Variants in VSTM2B observed in about 807,000 individuals in gnomAD.
The protein encoded by VSTM2B is V-set and transmembrane domain-containing protein 2B.
In VSTM2B, 24 loss-of-function variants were observed where a neutral mutation model predicts 24.0. The observed-to-expected ratio is 1.00, with a 90% CI of 0.72 to 1.40. VSTM2B has a LOEUF of 1.40. Among genes scored for constraint, VSTM2B ranks in the 40% most tolerant of loss-of-function variants. The probability of loss-of-function intolerance (pLI) is 0.00; values close to 1 mark genes in which losing one functional copy is unlikely to be tolerated. For missense variants in VSTM2B, 399 were observed against 416.4 expected (o/e 0.96, Z 0.36); for synonymous variants, 226 against 194.4 (o/e 1.16, Z -1.35).
chr19:29,527,374 C>T lies in VSTM2B; in HGVS notation c.246C>T (p.Ser82=). 6.5e-7 allele frequency: 1 copy of T among 1,540,690 alleles called. No homozygotes were observed. The highest frequency in any genetic ancestry group is 1.4e-5 in the African/African-American group (1 of 72,194). The change falls in exon 2 of 5, where the codon AGC becomes AGT. Residue 82 remains serine, a synonymous_variant. Transcript: ENST00000335523. ...AGCTGCTGCACGAGCTGGCGCTCAG[C>T]GTGCCGGGCGCCCGGAGCAAGGTAA... ...PRELLHELAL[S]VPGARSKVTN... is the part of the protein sequence containing the mutation.
chr19:29,552,053 G>A (rs1009478174), intron 4 of VSTM2B, among the ~76,000 whole-genome samples: 1 of 152,234 alleles, frequency 6.6e-6, no homozygotes, highest in Non-Finnish European at 1.5e-5. Flanking sequence ...AACAGACAGT[G>A]TGATCCTGGG....
At chr19:29,562,687 C>T (rs1970559949) in intron 4 of VSTM2B, among the ~76,000 whole-genome samples, 1 of 152,214 alleles carries the variant, frequency 6.6e-6, no homozygotes, top group Non-Finnish European at 1.5e-5. Context: ...CACACTTGCT[C>T]CTCTCATAAC....
intron 4 of VSTM2B, among the ~76,000 whole-genome samples, chr19:29,543,131 T>G (rs1429838333): frequency 1.3e-5 from 2 of 152,192 alleles, no homozygotes; most frequent in African/African-American, 4.8e-5. Flanking sequence ...ACGTACAAAT[T>G]AATGTAGATA....
chr19:29,546,239 C>A (rs961259113), intron 4 of VSTM2B, among the ~76,000 whole-genome samples: 4 of 152,168 alleles, frequency 2.6e-5, no homozygotes, highest in African/African-American at 9.7e-5. Context: ...GTGCATGCAG[C>A]CCCCAGCGCA....
chr19:29,533,752 T>C (rs952517546), intron 4 of VSTM2B, among the ~76,000 whole-genome samples: 1 of 152,334 alleles, frequency 6.6e-6, no homozygotes, highest in East Asian at 1.9e-4. Flanking sequence ...TTTTGGAGGA[T>C]GGGCATTAGT....
At chr19:29,552,291 C>T (rs1970302252) in intron 4 of VSTM2B, among the ~76,000 whole-genome samples, 1 of 152,232 alleles carries the variant, frequency 6.6e-6, no homozygotes, top group African/African-American at 2.4e-5. Context: ...TAAAAGGTTG[C>T]AAATCCTAGG....
intron 4 of VSTM2B, among the ~76,000 whole-genome samples, chr19:29,549,511 T>TCCTGCCCC (rs1239608925): frequency 6.6e-6 from 1 of 151,470 alleles, no homozygotes; most frequent in South Asian, 2.1e-4. Flanking sequence ...CTGGCTCCAG[T>TCCTGCCCC]ACTGCCCCAG....
At chr19:29,542,033 T>C (rs1323871041) in intron 4 of VSTM2B, among the ~76,000 whole-genome samples, 3 of 144,888 alleles carry the variant, frequency 2.1e-5, no homozygotes, top group African/African-American at 7.8e-5. Context: ...AGATGGTAGA[T>C]GGGTGAGTGG....
intron 4 of VSTM2B, 69 bp downstream of exon 4, chr19:29,530,359 C>G (rs1969719986): frequency 3.0e-6 from 4 of 1,345,232 alleles, no homozygotes; most frequent in Non-Finnish European, 2.9e-6. Flanking sequence ...CGGGACGCCC[C>G]GGGGGGCTCC....
At chr19:29,530,731 G>A (rs1381409722) in intron 4 of VSTM2B, among the ~76,000 whole-genome samples, 1 of 152,154 alleles carries the variant, frequency 6.6e-6, no homozygotes, top group Non-Finnish European at 1.5e-5. Context: ...TAAAACTTGA[G>A]TTGCGTTGGT....
chr19:29,557,919 T>C (rs746354389), intron 4 of VSTM2B, among the ~76,000 whole-genome samples: 14 of 151,924 alleles, frequency 9.2e-5, no homozygotes, highest in Non-Finnish European at 1.9e-4. Context: ...AGACAACCTA[T>C]AGAATGGGAG....
At chr19:29,554,050 T>C (rs180870580) in intron 4 of VSTM2B, among the ~76,000 whole-genome samples, 29 of 152,218 alleles carry the variant, frequency 1.9e-4, no homozygotes, top group Middle Eastern at 3.4e-3. Flanking sequence ...CAGGCCAACA[T>C]TCAAATTCAG....
chr19:29,560,146 C>T (rs1012971036), intron 4 of VSTM2B, among the ~76,000 whole-genome samples: 1 of 152,134 alleles, frequency 6.6e-6, no homozygotes, highest in African/African-American at 2.4e-5. Flanking sequence ...CTTTTCAGGC[C>T]TTTGCTCACT....
chr19:29,563,756 T>C, intron 4 of VSTM2B, 90 bp from the exon 5 acceptor site: 1 of 1,212,396 alleles, frequency 8.2e-7, no homozygotes, highest in Non-Finnish European at 1.2e-6. Flanking sequence ...GGCCCCAGCC[T>C]GGGGAAGCCT....
chr19:29,552,987 G>A (rs1165877057), intron 4 of VSTM2B, among the ~76,000 whole-genome samples: 2 of 152,190 alleles, frequency 1.3e-5, no homozygotes, highest in Non-Finnish European at 2.9e-5. Context: ...CCCCTCAGGG[G>A]AGGGGTGTCT....
At chr19:29,550,051 G>T (rs370522309) in intron 4 of VSTM2B, among the ~76,000 whole-genome samples, 72 of 152,322 alleles carry the variant, frequency 4.7e-4, no homozygotes, top group African/African-American at 1.7e-3. Context: ...CTAGAAATAG[G>T]CTTGAACATC....
chr19:29,536,483 G>A (rs1969893784), intron 4 of VSTM2B, among the ~76,000 whole-genome samples: 1 of 152,208 alleles, frequency 6.6e-6, no homozygotes, highest in Admixed American at 6.5e-5. Context: ...CATCCTCTCA[G>A]CATCAGCAAG....
intron 4 of VSTM2B, among the ~76,000 whole-genome samples, chr19:29,560,259 A>G (rs750701823): frequency 6.6e-6 from 1 of 152,026 alleles, no homozygotes; most frequent in Non-Finnish European, 1.5e-5. Context: ...GGGAAGGGGG[A>G]CTTGTAGCCA....
intron 4 of VSTM2B, among the ~76,000 whole-genome samples, chr19:29,557,928 A>G (rs976971712): frequency 2.0e-5 from 3 of 152,160 alleles, no homozygotes; most frequent in African/African-American, 2.4e-5. Flanking sequence ...ATAGAATGGG[A>G]GAAAATTTTG....
Sources: allele counts gnomAD v4.1 joint callset (sites outside exome capture counted in the v4.1 genomes callset), GRCh38; gene constraint gnomAD v4.1.1; transcripts MANE v1.5; gene names NCBI Gene and HGNC (gene_info 2026-07-23, HGNC 2026-07-21).